The following ARHGEF16 variants were observed in gnomAD, a reference collection of about 807,000 sequenced individuals.
The protein encoded by ARHGEF16 is Rho guanine exchange factor (GEF) 16.
A neutral mutation model predicts 74.1 loss-of-function variants in ARHGEF16; 59 were observed. The ratio of observed to expected loss-of-function variants is 0.80; its 90% CI spans 0.65 to 0.99. The LOEUF (loss-of-function observed/expected upper bound fraction) is 0.99. Ranked by LOEUF, ARHGEF16 falls within the 50% of genes least tolerant of loss-of-function variation. ARHGEF16 has a pLI of 0.00. For missense variants in ARHGEF16, 948 were observed against 986.6 expected, an observed-to-expected ratio of 0.96 and a Z score of 0.52; for synonymous variants, 415 against 412.6, an observed-to-expected ratio of 1.01 and a Z score of -0.07.
chr1:3,478,570 G>A lies in ARHGEF16; in HGVS notation c.1772G>A (p.Ser591Asn). Residue 591 changes from serine (S) to asparagine (N), a missense_variant, in exon 12 of 15, where the codon AGC becomes AAC. Ser to Asn is a conservative substitution (Grantham distance 46). Coordinates refer to ENST00000378378, the MANE Select transcript of ARHGEF16 (RefSeq NM_014448.4). The part of the protein sequence containing the change: ...HPFQVTLLRN[S>N]EGRQEQLLLS... ...TTCCAGGTGACCCTGCTTCGCAACA[G>A]CGAGGGCCGCCAGGAGCAGCTCCTG... 1 of 1,612,466 alleles carries A rather than the reference G, an allele frequency of 6.2e-7. No homozygotes were observed. The highest frequency in any genetic ancestry group is 8.5e-7 in the Non-Finnish European group (1 of 1,179,770).
chr1:3,468,589 C>A (rs1314260109), intron 4 of ARHGEF16: 14 of 455,608 alleles, frequency 3.1e-5, no homozygotes, highest in Admixed American at 2.1e-4. Flanking sequence ...GACAAGATCC[C>A]CCCCCGCCCT....
intron 11 of ARHGEF16, 99 bp from the exon 12 acceptor site, chr1:3,478,325 C>A (rs1406808034): frequency 2.2e-6 from 3 of 1,347,088 alleles, no homozygotes; most frequent in African/African-American, 1.5e-5. Context: ...GCTGCCTCCC[C>A]ACCACTGCAG....
At chr1:3,476,091 C>G (rs893741003) in intron 10 of ARHGEF16, 29 bp downstream of exon 10, 4 of 1,543,988 alleles carry the variant, frequency 2.6e-6, no homozygotes, top group East Asian at 2.5e-5. Context: ...CAGGGCCACT[C>G]GGACCACTTC....
In ARHGEF16 at chr1:3,474,841, C is replaced by T. The variant is rs978733609; in HGVS notation, c.1380+59C>T. The stretch of plus-strand genomic sequence containing the variant: ...TCCTGTACCCCGACCCTGTCCCCAC[C>T]CAACCCCACCCTACCCGATGGCATA... On this transcript the variant is annotated intron_variant, in intron 9 of 14. Coordinates refer to ENST00000378378, the MANE Select transcript of ARHGEF16 (RefSeq NM_014448.4). The T allele has an allele frequency of 2.7e-6, 4 of 1,484,136 alleles. No individual in the cohort carries two copies. The Admixed American group carries it at 7.0e-5, about 26-fold the overall frequency. The allele number at this position is 1,484,136 out of a possible 1,614,324, so 91.9% of individuals were successfully genotyped here.
intron 10 of ARHGEF16, 132 bp downstream of exon 10, chr1:3,476,194 C>T: frequency 3.2e-6 from 3 of 934,062 alleles, no homozygotes; most frequent in Admixed American, 2.7e-5. Context: ...GGCCTGGGGG[C>T]TGGGCCTCCT....
chr1:3,466,585 G>T (rs1266001168), intron 3 of ARHGEF16, among the ~76,000 whole-genome samples: 1 of 152,206 alleles, frequency 6.6e-6, no homozygotes, highest in Non-Finnish European at 1.5e-5. Context: ...GGAGCCATGT[G>T]TTGGGGCCTC....
intron 11 of ARHGEF16, 36 bp from the exon 12 acceptor site, chr1:3,478,388 G>A: frequency 1.3e-6 from 2 of 1,559,988 alleles, no homozygotes; most frequent in South Asian, 1.2e-5. Context: ...TAGGAGCTGG[G>A]TGGGACCGTC....
chr1:3,457,441 G>A lies in ARHGEF16; in HGVS notation c.-20+2630G>A, dbSNP rs1364347561. 3.3e-5 allele frequency among the ~76,000 whole-genome samples: 5 copies of A among 152,356 alleles called. No individual in the cohort carries two copies. The East Asian group carries it at 9.6e-4, about 29-fold the overall frequency. On this transcript the variant is annotated intron_variant, in intron 1 of 14. Coordinates refer to ENST00000378378, the MANE Select transcript of ARHGEF16 (RefSeq NM_014448.4). ...AGGGGCAGCAAACTTGGGGCAATTGGGTCCTGGTGGCCGTGACAGCAGCTG... is the reference window on the plus strand; with the variant it reads ...AGGGGCAGCAAACTTGGGGCAATTGAGTCCTGGTGGCCGTGACAGCAGCTG...
chr1:3,469,328 C>A (rs1183808405), intron 5 of ARHGEF16, 105 bp from the exon 6 acceptor site: 8 of 1,378,194 alleles, frequency 5.8e-6, no homozygotes, highest in Non-Finnish European at 8.0e-6. Flanking sequence ...CCTGTCCCCA[C>A]CTGCCCCTGC....
chr1:3,478,695 G>C, intron 12 of ARHGEF16, 83 bp downstream of exon 12: 2 of 1,433,692 alleles, frequency 1.4e-6, no homozygotes, highest in Non-Finnish European at 1.9e-6. Context: ...TGCCTTGCTC[G>C]CTGTTGCATG....
At chr1:3,466,512 G>T (rs1639549606) in intron 3 of ARHGEF16, among the ~76,000 whole-genome samples, 1 of 152,082 alleles carries the variant, frequency 6.6e-6, no homozygotes, top group South Asian at 2.1e-4. Context: ...GGGGGACCAA[G>T]GCCAGATCAG....
intron 3 of ARHGEF16, 57 bp downstream of exon 3, chr1:3,466,250 TG>T (rs1378312831): frequency 4.7e-6 from 7 of 1,489,524 alleles, no homozygotes; most frequent in Non-Finnish European, 6.3e-6. Context: ...CTGGTCTCAC[TG>T]GGGCACCCTG....
chr1:3,467,427 GT>G, intron 4 of ARHGEF16, 90 bp downstream of exon 4: 1 of 1,406,472 alleles, frequency 7.1e-7, no homozygotes, highest in Admixed American at 2.4e-5. Flanking sequence ...CAGGCGGCTG[GT>G]CCCCAGCAGC....
intron 12 of ARHGEF16, among the ~76,000 whole-genome samples, chr1:3,478,943 T>C (rs1428245499): frequency 1.3e-5 from 2 of 151,270 alleles, no homozygotes; most frequent in Admixed American, 6.6e-5. Flanking sequence ...GAGTGTGGGG[T>C]TGCTCAGCAG....
At chr1:3,456,940 C>G (rs1171643058) in intron 1 of ARHGEF16, among the ~76,000 whole-genome samples, 1 of 152,238 alleles carries the variant, frequency 6.6e-6, no homozygotes, top group Admixed American at 6.5e-5. Flanking sequence ...CAGGGTGGCT[C>G]TCTGCTTAGC....
chr1:3,479,112 G>A (rs1446101633), intron 12 of ARHGEF16, among the ~76,000 whole-genome samples: 2 of 152,226 alleles, frequency 1.3e-5, no homozygotes, highest in African/African-American at 2.4e-5. Context: ...AGTCTCTGCG[G>A]GCCCCCCGTG....
chr1:3,468,862 G>A lies in ARHGEF16; in HGVS notation c.805-18G>A, dbSNP rs1639623431. 1.3e-6 allele frequency: 2 copies of A among 1,550,226 alleles called. No homozygotes were observed. The highest frequency in any genetic ancestry group is 1.4e-5 in the African/African-American group (1 of 73,032). ...CTAGGACGTGTGACCGAGAGCTCCT[G>A]GGCCTGTGTCCCCCCAGGTGGTGGA... On this transcript the variant is annotated intron_variant, in intron 4 of 14. Coordinates refer to ENST00000378378, the MANE Select transcript of ARHGEF16 (RefSeq NM_014448.4).
rs770652574 is a variant in ARHGEF16 at position 3,473,084 on chromosome 1, C to T, written c.1029C>T (p.Phe343=). Residue 343 remains phenylalanine, a synonymous_variant, in exon 7 of 15, where the codon TTC becomes TTT. Transcript: ENST00000378378. Reference sequence around the variant, plus strand: ...CACCCCTCCTTGCCTTCAGGTTCTTCGAGGACCTGGAGCAGCGGCACAAGG... The same window carrying T: ...CACCCCTCCTTGCCTTCAGGTTCTTTGAGGACCTGGAGCAGCGGCACAAGG... The part of the protein sequence containing the change: ...LDVLGASQRF[F]EDLEQRHKAQ... 19 of 1,612,262 alleles carry T rather than the reference C, an allele frequency of 1.2e-5. No individual in the cohort carries two copies. The highest frequency in any genetic ancestry group is 2.2e-5 in the East Asian group (1 of 44,886).
At chr1:3,479,648 C>T (rs1006079271) in intron 13 of ARHGEF16, 58 bp downstream of exon 13, 6 of 1,585,078 alleles carry the variant, frequency 3.8e-6, no homozygotes, top group African/African-American at 2.7e-5. Context: ...CACTTTGGCC[C>T]CCACTGTAGC....
Sources: gnomAD v4.1 joint callset for allele counts (sites outside exome capture counted in the v4.1 genomes callset) on GRCh38, gnomAD v4.1.1 for gene constraint, MANE v1.5 for transcripts, NCBI Gene and HGNC (gene_info 2026-07-23, HGNC 2026-07-21) for gene names.